SLC24A2: variants seen among roughly 807,000 people sequenced by gnomAD.
SLC24A2 encodes the protein sodium/potassium/calcium exchanger 2.
SLC24A2 carries 36 observed loss-of-function variants against 62.0 expected under a neutral mutation model. That is an observed-to-expected ratio of 0.58 (90% confidence interval 0.44 to 0.77). The LOEUF (loss-of-function observed/expected upper bound fraction) is 0.77, where lower values mean the gene tolerates loss of function less well. Ranked by LOEUF, SLC24A2 falls within the 30% of genes least tolerant of loss-of-function variation. The probability of loss-of-function intolerance (pLI) is 0.00; values close to 1 mark genes in which losing one functional copy is unlikely to be tolerated. For synonymous variants in SLC24A2, 358 were observed against 294.0 expected (o/e 1.22, Z -2.23); for missense variants, 846 against 817.9 (o/e 1.03, Z -0.42).
intron 2 of SLC24A2, among the ~76,000 whole-genome samples, chr9:19,775,670 A>C (rs1239380810): frequency 2.0e-5 from 3 of 152,214 alleles, no homozygotes; most frequent in Non-Finnish European, 4.4e-5. Flanking sequence ...TTAATTACTA[A>C]AAGGAAAAGC....
the SLC24A2 span, among the ~76,000 whole-genome samples, chr9:20,095,148 T>C: frequency 3.1e-4 from 47 of 152,344 alleles, 1 homozygote; most frequent in East Asian, 8.7e-3. Flanking sequence ...ATTTTTGTTT[T>C]GTTTTGGAAT....
chr9:20,089,552 A>G, the SLC24A2 span, among the ~76,000 whole-genome samples: 1 of 151,800 alleles, frequency 6.6e-6, no homozygotes. Context: ...GGGAACCCCC[A>G]CTCCCAATCT....
chr9:19,982,185 T>A, the SLC24A2 span, among the ~76,000 whole-genome samples: 1 of 151,988 alleles, frequency 6.6e-6, no homozygotes, highest in Non-Finnish European at 1.5e-5. Flanking sequence ...ATGGGTTTCA[T>A]GTAAAAGAAA....
chr9:20,102,778 C>A, the SLC24A2 span, among the ~76,000 whole-genome samples: 1 of 152,052 alleles, frequency 6.6e-6, no homozygotes, highest in African/African-American at 2.4e-5. Context: ...ACACAGAAGA[C>A]GGGTGATTTC....
chr9:19,536,593 G>T (rs566237598), intron 8 of SLC24A2, among the ~76,000 whole-genome samples: 69 of 72,806 alleles, frequency 9.5e-4, no homozygotes, highest in African/African-American at 3.7e-3. Context: ...TCTTAATCCA[G>T]TCTATCATTG....
chr9:20,007,000 CTG>C, the SLC24A2 span, among the ~76,000 whole-genome samples: 5 of 152,138 alleles, frequency 3.3e-5, no homozygotes, highest in African/African-American at 1.2e-4. Context: ...TACTACATCA[CTG>C]TTTGTGTCAA....
At chr9:20,112,364 A>G in the SLC24A2 span, among the ~76,000 whole-genome samples, 1 of 152,348 alleles carries the variant, frequency 6.6e-6, no homozygotes, top group Admixed American at 6.5e-5. Flanking sequence ...CACTTCACAC[A>G]TTATTCAAAG....
the SLC24A2 span, among the ~76,000 whole-genome samples, chr9:19,966,067 A>G: frequency 6.6e-6 from 1 of 152,288 alleles, no homozygotes; most frequent in Non-Finnish European, 1.5e-5. Context: ...CTCTCAACAG[A>G]TGCATAATTT....
chr9:20,015,866 A>C, the SLC24A2 span, among the ~76,000 whole-genome samples: 3 of 152,228 alleles, frequency 2.0e-5, no homozygotes, highest in African/African-American at 4.8e-5. Context: ...ATTCCAAGGC[A>C]ACAGGAAATG....
At chr9:19,985,994 T>C in the SLC24A2 span, among the ~76,000 whole-genome samples, 1 of 152,058 alleles carries the variant, frequency 6.6e-6, no homozygotes, top group Non-Finnish European at 1.5e-5. Context: ...AGACAACCTA[T>C]AGGATGGGAG....
chr9:20,275,015 T>G, the SLC24A2 span, among the ~76,000 whole-genome samples: 1 of 152,106 alleles, frequency 6.6e-6, no homozygotes, highest in African/African-American at 2.4e-5. Flanking sequence ...AGGGGTGGAC[T>G]CCTGATCCAA....
At chr9:20,010,345 A>G in the SLC24A2 span, among the ~76,000 whole-genome samples, 1 of 152,176 alleles carries the variant, frequency 6.6e-6, no homozygotes, top group South Asian at 2.1e-4. Context: ...AATATGAAAA[A>G]TTAGGGAATT....
chr9:19,745,636 G>C (rs1399578156), intron 2 of SLC24A2, among the ~76,000 whole-genome samples: 2 of 152,124 alleles, frequency 1.3e-5, no homozygotes, highest in African/African-American at 4.8e-5. Context: ...TGTTGCCAGA[G>C]AGCAATTAAT....
chr9:19,556,502 T>C (rs1586952419), intron 7 of SLC24A2, among the ~76,000 whole-genome samples: 1 of 152,320 alleles, frequency 6.6e-6, no homozygotes, highest in East Asian at 1.9e-4. Flanking sequence ...ATAGGCCTAA[T>C]TCAAGTTCAG....
At chr9:19,707,825 T>A (rs940190548) in intron 2 of SLC24A2, among the ~76,000 whole-genome samples, 1 of 152,162 alleles carries the variant, frequency 6.6e-6, no homozygotes, top group Admixed American at 6.5e-5. Context: ...ACTGGAAGCA[T>A]TCCCTTTGAA....
the SLC24A2 span, among the ~76,000 whole-genome samples, chr9:19,964,278 G>C: frequency 2.0e-5 from 3 of 150,648 alleles, 1 homozygote; most frequent in Admixed American, 6.6e-5. Flanking sequence ...TAAATGACGA[G>C]TTAATGGGTG....
the SLC24A2 span, among the ~76,000 whole-genome samples, chr9:19,836,070 C>G: frequency 1.3e-5 from 2 of 152,054 alleles, no homozygotes; most frequent in Non-Finnish European, 1.5e-5. Flanking sequence ...GGGACACATT[C>G]AAAGCAGTGT....
the SLC24A2 span, among the ~76,000 whole-genome samples, chr9:20,157,636 CTG>C: frequency 6.6e-6 from 1 of 151,574 alleles, no homozygotes; most frequent in Non-Finnish European, 1.5e-5. Context: ...TACAGAAAAA[CTG>C]TACTTTCTGT....
the SLC24A2 span, among the ~76,000 whole-genome samples, chr9:19,833,119 A>T: frequency 6.6e-6 from 1 of 152,198 alleles, no homozygotes; most frequent in African/African-American, 2.4e-5. Flanking sequence ...GCCGAATAGG[A>T]ACAGCTCCAG....
Sources: allele counts gnomAD v4.1 joint callset (sites outside exome capture counted in the v4.1 genomes callset), GRCh38; gene constraint gnomAD v4.1.1; transcripts MANE v1.5; gene names NCBI Gene and HGNC (gene_info 2026-07-23, HGNC 2026-07-21).